Variants in ADGRB1 observed in about 807,000 individuals in gnomAD.
ADGRB1 encodes the protein brain-specific angiogenesis inhibitor 1.
ADGRB1 carries 36 observed loss-of-function variants against 175.7 expected under a neutral mutation model. That is an observed-to-expected ratio of 0.20 (90% CI 0.16 to 0.27). The LOEUF is 0.27. Among genes scored for constraint, ADGRB1 ranks in the 10% least tolerant of loss-of-function variants. ADGRB1 has a pLI of 1.00. For synonymous variants in ADGRB1, 1,054 were observed against 979.4 expected, an observed-to-expected ratio of 1.08 and a Z score of -1.42; for missense variants, 1,731 against 2,255.3, an observed-to-expected ratio of 0.77 and a Z score of 4.71.
chr8:142,488,981 C>T (rs768767369), intron 14 of ADGRB1, 54 bp from the exon 15 acceptor site: 1,000 of 1,578,090 alleles, frequency 6.3e-4, no homozygotes, highest in Non-Finnish European at 7.9e-4. Flanking sequence ...GCTGCCAAGT[C>T]CCACCCTGGC....
chr8:142,472,368 C>T (rs531793157), intron 2 of ADGRB1, among the ~76,000 whole-genome samples: 11 of 152,218 alleles, frequency 7.2e-5, no homozygotes, highest in Non-Finnish European at 1.5e-4. Flanking sequence ...ATGAGGCTTC[C>T]AGACAGAGCC....
In ADGRB1 at chr8:142,492,894, C is replaced by T. The variant is rs1842046759; in HGVS notation, c.2675+2079C>T. 6.6e-6 allele frequency among the ~76,000 whole-genome samples: 1 copy of T among 152,076 alleles called. No homozygotes were observed. Among genetic ancestry groups the T allele is most frequent in the African/African-American group, 2.4e-5 (1 of 41,424 alleles). On this transcript the variant is annotated intron_variant, in intron 17 of 30. Coordinates refer to ENST00000517894, the MANE Select transcript of ADGRB1 (RefSeq NM_001702.3). The surrounding 1 kb of genome is among the most constrained non-coding windows in gnomAD (Gnocchi z 4.4). ...AGCACTTCCACCAGCACAGGCCCCT[C>T]CCCACAGTGCAGAAACCCTCCATCC...
rs753677672 is a variant in ADGRB1, at chr8:142,536,998, T to G, written c.3582T>G (p.Ala1194=). 3.1e-6 allele frequency: 5 copies of G among 1,591,518 alleles called. No individual in the cohort carries two copies. The change falls in exon 26 of 31, where the codon GCT becomes GCG. Residue 1194 remains alanine (A), a synonymous_variant. Coordinates refer to ENST00000517894, the MANE Select transcript of ADGRB1 (RefSeq NM_001702.3). The part of the protein sequence containing the change: ...HCILRREVQD[A]VKCRVVDRQE... Reference sequence around the variant, plus strand: ...CTCTCCCTCCCCAGGTCCAGGACGCTGTGAAATGCCGTGTGGTTGACCGGC... The same window carrying G: ...CTCTCCCTCCCCAGGTCCAGGACGCGGTGAAATGCCGTGTGGTTGACCGGC...
At chr8:142,527,147 G>A (rs1316183313) in intron 24 of ADGRB1, among the ~76,000 whole-genome samples, 1 of 152,214 alleles carries the variant, frequency 6.6e-6, no homozygotes, top group Non-Finnish European at 1.5e-5. Context: ...CACAGCAGCT[G>A]GACAGGGTGC....
chr8:142,528,068 C>T (rs930074929), intron 24 of ADGRB1, among the ~76,000 whole-genome samples: 6 of 150,746 alleles, frequency 4.0e-5, no homozygotes, highest in Non-Finnish European at 5.9e-5. Context: ...CCCACGTAGA[C>T]GGGATGGAGG....
chr8:142,508,502 G>C (rs1324480865), intron 17 of ADGRB1, among the ~76,000 whole-genome samples: 1 of 152,212 alleles, frequency 6.6e-6, no homozygotes, highest in African/African-American at 2.4e-5. Context: ...AGCCTGCCTG[G>C]GTCCAGGATT....
intron 1 of ADGRB1, among the ~76,000 whole-genome samples, chr8:142,456,191 G>T (rs1003007153): frequency 2.6e-5 from 4 of 152,024 alleles, no homozygotes; most frequent in Non-Finnish European, 5.9e-5. Context: ...CAGATCTCAC[G>T]GGCAGCTCCT....
At chr8:142,541,900 C>A in intron 27 of ADGRB1, 41 bp from the exon 28 acceptor site, 1 of 1,506,576 alleles carries the variant, frequency 6.6e-7, no homozygotes. Context: ...CCATCCTCAC[C>A]CCCACACCTG....
At chr8:142,532,500 G>A (rs1844680775) in intron 24 of ADGRB1, among the ~76,000 whole-genome samples, 1 of 152,166 alleles carries the variant, frequency 6.6e-6, no homozygotes, top group Non-Finnish European at 1.5e-5. Context: ...GCAGCAGGAA[G>A]GGTCTACAGG....
intron 1 of ADGRB1, among the ~76,000 whole-genome samples, chr8:142,454,794 T>G (rs765059365): frequency 6.6e-6 from 1 of 152,106 alleles, no homozygotes; most frequent in African/African-American, 2.4e-5. Flanking sequence ...CTCTTCTTTT[T>G]TCATACTAAC....
chr8:142,475,437 G>A (rs1018579888), intron 2 of ADGRB1, 37 bp from the exon 3 acceptor site: 2 of 1,273,156 alleles, frequency 1.6e-6, no homozygotes, highest in African/African-American at 1.5e-5. Flanking sequence ...ACGAGCCCCT[G>A]CCCTGCCCTG....
At chr8:142,454,849 C>T (rs1164612038) in intron 1 of ADGRB1, among the ~76,000 whole-genome samples, 2 of 152,084 alleles carry the variant, frequency 1.3e-5, no homozygotes, top group Admixed American at 1.3e-4. Flanking sequence ...GGATCAGTAC[C>T]AAAGGACTAG....
rs777225823 is a variant in ADGRB1 at position 142,542,521 on chromosome 8, G to A, written c.4287G>A (p.Pro1429=). The A allele has an allele frequency of 4.1e-5, 47 of 1,155,382 alleles. No homozygotes were observed. Among genetic ancestry groups the A allele is most frequent in the East Asian group, 1.6e-4 (4 of 24,506 alleles). 71.6% of individuals were successfully genotyped at this position (1,155,382 alleles called of 1,614,324 possible). Residue 1429 remains proline (P), a synonymous_variant, in exon 28 of 31, where the codon CCG becomes CCA. Coordinates refer to ENST00000517894, the MANE Select transcript of ADGRB1 (RefSeq NM_001702.3). This position sits in a 1 kb window ranked among gnomAD's most constrained non-coding sequence, Gnocchi z 6.3. ...CTCCCCAGCAGCCCCTGCCCCCACC[G>A]CCCAATCTGGAGCCGGCACCCCCCA... ...PPPPQQPLPP[P]PNLEPAPPSL...
chr8:142,517,753 G>A (rs1396051994), intron 18 of ADGRB1, among the ~76,000 whole-genome samples: 1 of 152,178 alleles, frequency 6.6e-6, no homozygotes, highest in African/African-American at 2.4e-5. Context: ...CTGGGCCCAA[G>A]AGGACTGTGC....
intron 17 of ADGRB1, among the ~76,000 whole-genome samples, chr8:142,507,684 C>T (rs1413056567): frequency 1.3e-5 from 2 of 152,212 alleles, no homozygotes; most frequent in Non-Finnish European, 2.9e-5. Flanking sequence ...GCTGCTGGCC[C>T]CAGCCAGCCC....
chr8:142,487,998 C>A (rs1841770581), intron 13 of ADGRB1, among the ~76,000 whole-genome samples: 1 of 152,134 alleles, frequency 6.6e-6, no homozygotes, highest in East Asian at 1.9e-4. Flanking sequence ...TGAGGAGGTG[C>A]CTGGTGCCTG....
chr8:142,509,540 C>G (rs1487356516), intron 17 of ADGRB1, among the ~76,000 whole-genome samples: 1 of 152,186 alleles, frequency 6.6e-6, no homozygotes, highest in African/African-American at 2.4e-5. Context: ...CTCCTAGCCT[C>G]AGCCCCCGTT....
intron 17 of ADGRB1, among the ~76,000 whole-genome samples, chr8:142,501,417 TGATGG>T (rs1842527217): frequency 7.0e-6 from 1 of 143,302 alleles, no homozygotes; most frequent in Non-Finnish European, 1.5e-5. Flanking sequence ...GTGGTGGTGA[TGATGG>T]GGTGGTGGTA....
chr8:142,518,063 G>A, intron 18 of ADGRB1, 75 bp from the exon 19 acceptor site: 1 of 1,445,536 alleles, frequency 6.9e-7, no homozygotes, highest in Non-Finnish European at 9.6e-7. Context: ...CGGGCTCTCG[G>A]GTCTCAGTCT....
Sources: gnomAD v4.1 joint callset for allele counts (sites outside exome capture counted in the v4.1 genomes callset) on GRCh38, gnomAD v4.1.1 for gene constraint, Gnocchi (gnomAD v3.1) non-coding constraint, MANE v1.5 for transcripts, NCBI Gene and HGNC (gene_info 2026-07-23, HGNC 2026-07-21) for gene names.